The following TRERF1 variants were observed in gnomAD, a reference collection of about 807,000 sequenced individuals.
TRERF1 encodes the protein transcriptional-regulating factor 1.
Under a neutral mutation model 122.9 loss-of-function variants are expected in TRERF1, and 27 were observed. The ratio of observed to expected loss-of-function variants is 0.22; its 90% CI spans 0.16 to 0.30. The LOEUF is 0.30. Ranked by LOEUF, TRERF1 falls within the 10% of genes least tolerant of loss-of-function variation. The probability of loss-of-function intolerance (pLI) is 1.00; values close to 1 mark genes in which losing one functional copy is unlikely to be tolerated. For missense variants in TRERF1, 1,248 were observed against 1,560.3 expected (o/e 0.80, Z 3.37); for synonymous variants, 636 against 641.7 (o/e 0.99, Z 0.13).
intron 2 of TRERF1, among the ~76,000 whole-genome samples, chr6:42,410,578 T>C (rs1780964359): frequency 6.6e-6 from 1 of 152,106 alleles, no homozygotes; most frequent in South Asian, 2.1e-4. Flanking sequence ...TTCCCAAACC[T>C]CACCTTTATT....
intron 1 of TRERF1, 72 bp from the exon 2 acceptor site, chr6:42,451,333 C>T (rs1788459533): frequency 6.6e-6 from 1 of 152,290 alleles, no homozygotes; most frequent in African/African-American, 2.4e-5. Flanking sequence ...CTGTACTGCC[C>T]TCAGCCTGTA....
chr6:42,234,370 A>C, intron 16 of TRERF1, among the ~76,000 whole-genome samples: 1 of 147,874 alleles, frequency 6.8e-6, no homozygotes. Flanking sequence ...ATGGAGTCTC[A>C]CTCTGTCACC....
chr6:42,234,344 GTT>G (rs112440663), intron 16 of TRERF1, among the ~76,000 whole-genome samples: 6 of 141,672 alleles, frequency 4.2e-5, no homozygotes, highest in Admixed American at 1.4e-4. Context: ...TTGTTTGCTT[GTT>G]TTTTTTTTTT....
intron 4 of TRERF1, among the ~76,000 whole-genome samples, chr6:42,272,966 G>A (rs725978): frequency 0.08 from 12,126 of 152,078 alleles, 612 homozygotes; most frequent in African/African-American, 0.15. Flanking sequence ...GCTGTTTTCA[G>A]AGAGCTCTTT....
intron 3 of TRERF1, among the ~76,000 whole-genome samples, chr6:42,337,010 C>T (rs1766329804): frequency 6.6e-6 from 1 of 152,046 alleles, no homozygotes; most frequent in African/African-American, 2.4e-5. Context: ...GCAGGGGGTG[C>T]GTGCAGAAGA....
chr6:42,412,425 T>C (rs1463461901), intron 2 of TRERF1, among the ~76,000 whole-genome samples: 1 of 152,250 alleles, frequency 6.6e-6, no homozygotes, highest in East Asian at 1.9e-4. Flanking sequence ...AGGGGTCCTA[T>C]GTATGGTCAT....
intron 4 of TRERF1, among the ~76,000 whole-genome samples, chr6:42,288,419 T>G (rs1416173227): frequency 6.6e-6 from 1 of 151,674 alleles, no homozygotes; most frequent in Admixed American, 6.6e-5. Context: ...AAATACATCA[T>G]TAGCCGGGCG....
At chr6:42,242,968 A>G (rs1452449828) in intron 15 of TRERF1, among the ~76,000 whole-genome samples, 1 of 152,168 alleles carries the variant, frequency 6.6e-6, no homozygotes, top group Non-Finnish European at 1.5e-5. Flanking sequence ...GGCTGGGACC[A>G]TCCTTGGTTT....
intron 2 of TRERF1, among the ~76,000 whole-genome samples, chr6:42,433,581 T>C (rs1271216211): frequency 6.6e-6 from 1 of 152,172 alleles, no homozygotes. Flanking sequence ...ACTGAGCCTC[T>C]ACATTTTCCA....
At chr6:42,333,111 G>A (rs984258016) in intron 3 of TRERF1, among the ~76,000 whole-genome samples, 1 of 152,206 alleles carries the variant, frequency 6.6e-6, no homozygotes, top group Non-Finnish European at 1.5e-5. Flanking sequence ...ATAGCTCAGT[G>A]CAAAAGCACA....
chr6:42,357,538 C>A (rs1770827372), intron 3 of TRERF1, among the ~76,000 whole-genome samples: 1 of 152,100 alleles, frequency 6.6e-6, no homozygotes, highest in African/African-American at 2.4e-5. Flanking sequence ...GAGATCACGT[C>A]CTTGTTTACA....
intron 3 of TRERF1, among the ~76,000 whole-genome samples, chr6:42,341,020 A>G (rs1163696826): frequency 1.3e-5 from 2 of 152,158 alleles, no homozygotes; most frequent in Non-Finnish European, 2.9e-5. Flanking sequence ...GGGTTCCAAA[A>G]CAGTCCCCCG....
intron 2 of TRERF1, among the ~76,000 whole-genome samples, chr6:42,447,094 G>C (rs1038688291): frequency 2.6e-5 from 4 of 152,102 alleles, no homozygotes; most frequent in African/African-American, 9.7e-5. Flanking sequence ...TCCCCTTCCT[G>C]CTCTATCAAA....
intron 4 of TRERF1, among the ~76,000 whole-genome samples, chr6:42,297,819 A>G (rs1785365306): frequency 6.6e-6 from 1 of 152,234 alleles, no homozygotes; most frequent in African/African-American, 2.4e-5. Context: ...ATAAAGTGCC[A>G]AGAAAAAATG....
chr6:42,376,419 G>T (rs1206841396), intron 2 of TRERF1, among the ~76,000 whole-genome samples: 4 of 152,132 alleles, frequency 2.6e-5, no homozygotes, highest in Non-Finnish European at 5.9e-5. Flanking sequence ...GGGAGAGACA[G>T]GAGTAAGAGG....
chr6:42,280,262 G>A lies in TRERF1; in HGVS notation c.-258-10414C>T, dbSNP rs894986213. 3.3e-5 allele frequency among the ~76,000 whole-genome samples: 5 copies of A among 152,192 alleles called. 1 individual carries two copies. Among genetic ancestry groups the A allele is most frequent in the Admixed American group, 2.6e-4 (4 of 15,290 alleles). On this transcript the variant is annotated intron_variant, in intron 4 of 17. Transcript: ENST00000372922. ...TGGGAGTCAACAAACAAACCCGAGG[G>A]GACCTCTGGCAACTAGGGCTGGAGG...
intron 4 of TRERF1, among the ~76,000 whole-genome samples, chr6:42,295,491 T>C (rs140125406): frequency 7.7e-4 from 118 of 152,314 alleles, no homozygotes; most frequent in African/African-American, 2.6e-3. Flanking sequence ...AGGCCATCTG[T>C]GGGGCTTTCT....
intron 3 of TRERF1, among the ~76,000 whole-genome samples, chr6:42,356,864 G>A (rs552237673): frequency 3.3e-4 from 50 of 152,118 alleles, no homozygotes; most frequent in African/African-American, 1.1e-3. Flanking sequence ...GAGCCATTGC[G>A]CCCGGCCCAT....
intron 2 of TRERF1, among the ~76,000 whole-genome samples, chr6:42,392,931 T>TACACACAC (rs58784390): frequency 0.019 from 2,757 of 148,078 alleles, 60 homozygotes; most frequent in African/African-American, 0.056. Context: ...TACACACACA[T>TACACACAC]ACACACACAC....
Sources: gnomAD v4.1 joint callset for allele counts (sites outside exome capture counted in the v4.1 genomes callset) on GRCh38, gnomAD v4.1.1 for gene constraint, MANE v1.5 for transcripts, NCBI Gene and HGNC (gene_info 2026-07-23, HGNC 2026-07-21) for gene names.